The following STX8 variants were observed in gnomAD, a reference collection of about 807,000 sequenced individuals.
STX8 encodes syntaxin-8.
In STX8, 23 loss-of-function variants were observed where a neutral mutation model predicts 37.5. That is an observed-to-expected ratio of 0.61 (90% CI 0.44 to 0.87). The LOEUF is 0.87. Among genes scored for constraint, STX8 ranks in the 40% least tolerant of loss-of-function variants. The pLI is 0.00. For missense variants in STX8, 313 were observed against 284.7 expected (o/e 1.10, Z -0.71); for synonymous variants, 115 against 99.1 (o/e 1.16, Z -0.95).
intron 7 of STX8, among the ~76,000 whole-genome samples, chr17:9,263,640 T>G (rs543796046): frequency 6.6e-6 from 1 of 152,364 alleles, no homozygotes; most frequent in African/African-American, 2.4e-5. Context: ...ACTTTGAGGT[T>G]ATTTCAAAAT....
At chr17:9,441,363 A>G (rs898992892) in intron 6 of STX8, among the ~76,000 whole-genome samples, 2 of 151,440 alleles carry the variant, frequency 1.3e-5, no homozygotes, top group Non-Finnish European at 2.9e-5. Context: ...GGTGGCATGC[A>G]CCTGTAGTCC....
intron 1 of STX8, among the ~76,000 whole-genome samples, chr17:9,571,541 G>GT (rs1323086280): frequency 1.4e-5 from 2 of 147,708 alleles, no homozygotes; most frequent in Non-Finnish European, 3.0e-5. Flanking sequence ...AGAGGTTGCA[G>GT]TTTGCCGAGA....
intron 6 of STX8, among the ~76,000 whole-genome samples, chr17:9,380,709 C>CTTTTT (rs776433325): frequency 1.2e-4 from 12 of 98,518 alleles, no homozygotes; most frequent in East Asian, 3.4e-4. Context: ...GATACAGAAA[C>CTTTTT]TTTTTTTTTT....
rs574590169 is a variant in STX8 at position 9,368,997 on chromosome 17, C to T, written c.643+9555G>A. 4.2e-4 allele frequency among the ~76,000 whole-genome samples: 64 copies of T among 151,978 alleles called. No individual in the cohort carries two copies. In the South Asian group the frequency reaches 0.012, roughly 29 times the overall value. Reference sequence around the variant, plus strand: ...GTGCAGTGGCACAATCATAGCTCACCGCAACGTTGAACTCCTAGGTTCAAG... The same window carrying T: ...GTGCAGTGGCACAATCATAGCTCACTGCAACGTTGAACTCCTAGGTTCAAG... On this transcript the variant is annotated intron_variant, in intron 7 of 7. Transcript: ENST00000306357.
chr17:9,544,855 G>A (rs919591773), intron 4 of STX8, among the ~76,000 whole-genome samples: 6 of 152,020 alleles, frequency 3.9e-5, no homozygotes, highest in Admixed American at 2.0e-4. Flanking sequence ...AGTCGGGCAC[G>A]GTGGCGGTGG....
At chr17:9,313,036 A>C (rs763889106) in intron 7 of STX8, among the ~76,000 whole-genome samples, 1 of 151,934 alleles carries the variant, frequency 6.6e-6, no homozygotes, top group Non-Finnish European at 1.5e-5. Context: ...ACTGAAAAAT[A>C]CAAAATTAGC....
At chr17:9,259,802 C>T (rs989775984) in intron 7 of STX8, among the ~76,000 whole-genome samples, 1 of 152,098 alleles carries the variant, frequency 6.6e-6, no homozygotes, top group Non-Finnish European at 1.5e-5. Flanking sequence ...AAGGAGCACC[C>T]GACTTTATAA....
chr17:9,543,001 A>G (rs1238934456), intron 4 of STX8, among the ~76,000 whole-genome samples: 5 of 152,176 alleles, frequency 3.3e-5, no homozygotes, highest in African/African-American at 1.2e-4. Context: ...TCCTCAGCCT[A>G]AATTCCTAGG....
At chr17:9,306,433 TTGAAG>T (rs72352534) in intron 7 of STX8, among the ~76,000 whole-genome samples, 35,028 of 151,618 alleles carry the variant, frequency 0.23, 5,352 homozygotes, top group African/African-American at 0.44. Context: ...GTATTGGTGA[TTGAAG>T]TAAATACTCA....
chr17:9,313,818 G>A (rs1427168290), intron 7 of STX8, among the ~76,000 whole-genome samples: 1 of 152,174 alleles, frequency 6.6e-6, no homozygotes, highest in Non-Finnish European at 1.5e-5. Flanking sequence ...TTTTAGTAGA[G>A]ACGGGGTTTC....
chr17:9,404,147 T>C (rs550202909), intron 6 of STX8, among the ~76,000 whole-genome samples: 1 of 152,242 alleles, frequency 6.6e-6, no homozygotes, highest in East Asian at 1.9e-4. Context: ...ACCAATTTAT[T>C]AAGTGGATCA....
At chr17:9,332,700 A>G (rs527840618) in intron 7 of STX8, among the ~76,000 whole-genome samples, 1 of 152,346 alleles carries the variant, frequency 6.6e-6, no homozygotes, top group South Asian at 2.1e-4. Context: ...CTCTACATCC[A>G]GAGGGCCTTC....
At chr17:9,452,803 GT>G (rs751320265) in intron 6 of STX8, among the ~76,000 whole-genome samples, 1 of 133,838 alleles carries the variant, frequency 7.5e-6, no homozygotes, top group Non-Finnish European at 1.5e-5. Flanking sequence ...GATGGCCCTT[GT>G]TTTTTTTTCT....
At chr17:9,370,380 T>TA (rs1273517089) in intron 7 of STX8, among the ~76,000 whole-genome samples, 1 of 152,104 alleles carries the variant, frequency 6.6e-6, no homozygotes, top group Non-Finnish European at 1.5e-5. Flanking sequence ...AACTGAGACT[T>TA]AGAGAGGGCA....
chr17:9,286,547 T>TC (rs934048256), intron 7 of STX8, among the ~76,000 whole-genome samples: 4 of 152,204 alleles, frequency 2.6e-5, no homozygotes, highest in African/African-American at 9.6e-5. Flanking sequence ...AATACATCTT[T>TC]CAAGTTTGAT....
intron 6 of STX8, among the ~76,000 whole-genome samples, chr17:9,396,196 C>T (rs1376986884): frequency 6.6e-6 from 1 of 152,128 alleles, no homozygotes. Context: ...TACAGATTAT[C>T]AACATGTGTT....
chr17:9,493,587 C>A (rs1232493829), intron 5 of STX8, among the ~76,000 whole-genome samples: 1 of 152,194 alleles, frequency 6.6e-6, no homozygotes, highest in Non-Finnish European at 1.5e-5. Flanking sequence ...CAGGGCACCA[C>A]GGGGGCTTCT....
chr17:9,315,580 C>A (rs1341237061), intron 7 of STX8, among the ~76,000 whole-genome samples: 10 of 152,220 alleles, frequency 6.6e-5, no homozygotes. Context: ...ATATTCATAA[C>A]TCCTATAACA....
chr17:9,485,711 G>A (rs895439803), intron 6 of STX8, among the ~76,000 whole-genome samples: 21 of 151,840 alleles, frequency 1.4e-4, no homozygotes, highest in East Asian at 9.7e-4. Context: ...TCAGCCTCCC[G>A]AGTAGCTGGG....
Sources: allele counts gnomAD v4.1 joint callset (sites outside exome capture counted in the v4.1 genomes callset), GRCh38; gene constraint gnomAD v4.1.1; transcripts MANE v1.5; gene names NCBI Gene and HGNC (gene_info 2026-07-23, HGNC 2026-07-21).